The following TIAM1 variants were observed in gnomAD, a reference collection of about 807,000 sequenced individuals.
The protein encoded by TIAM1 is TIAM Rac1 associated GEF 1.
Under a neutral mutation model 163.5 loss-of-function variants are expected in TIAM1, and 65 were observed. The ratio of observed to expected loss-of-function variants is 0.40; its 90% CI spans 0.33 to 0.49. The LOEUF (loss-of-function observed/expected upper bound fraction) is 0.49. Ranked by LOEUF, TIAM1 falls within the 20% of genes least tolerant of loss-of-function variation. The probability of loss-of-function intolerance (pLI) is 0.77; values close to 1 mark genes in which losing one functional copy is unlikely to be tolerated. For missense variants in TIAM1, 1,789 were observed against 2,044.7 expected (o/e 0.87, Z 2.41); for synonymous variants, 833 against 810.1 (o/e 1.03, Z -0.48).
intron 1 of TIAM1, among the ~76,000 whole-genome samples, chr21:31,524,617 G>A (rs1233841351): frequency 1.3e-5 from 2 of 152,162 alleles, no homozygotes; most frequent in African/African-American, 4.8e-5. Context: ...AAAATCTAAT[G>A]GGAAATCAGG....
rs1186265392 is a variant in TIAM1, at chr21:31,147,755, A to AT, written c.3367-753_3367-752insA. On this transcript the variant is annotated intron_variant, in intron 19 of 27. Coordinates refer to ENST00000541036, the MANE Select transcript of TIAM1 (RefSeq NM_001353694.2). ...TAATATATAAAAATATATAATATATAATTAATATATTATATTAATATATTA... is the reference window on the plus strand; with the variant it reads ...TAATATATAAAAATATATAATATATATATTAATATATTATATTAATATATTA... Among the ~76,000 whole-genome samples, 8 of 141,254 alleles carry AT rather than the reference A, an allele frequency of 5.7e-5. No homozygotes were observed. In the East Asian group the frequency reaches 1.2e-3, roughly 21 times the overall value. The allele number at this position is 141,254 out of a possible 152,430, so 92.7% of individuals were successfully genotyped here. A position where few individuals can be genotyped will look rare whatever the true frequency, so the allele number is the denominator to read the frequency against.
chr21:31,296,869 T>A (rs1290417369), intron 2 of TIAM1, among the ~76,000 whole-genome samples: 1 of 152,206 alleles, frequency 6.6e-6, no homozygotes, highest in Non-Finnish European at 1.5e-5. Flanking sequence ...TTCATCGTGT[T>A]AGCCAGGATG....
intron 1 of TIAM1, among the ~76,000 whole-genome samples, chr21:31,546,189 A>T (rs777034268): frequency 3.1e-3 from 47 of 15,344 alleles, no homozygotes; most frequent in East Asian, 8.9e-3. Flanking sequence ...TTGTAATTTA[A>T]AAAAAAAAAA....
intron 2 of TIAM1, among the ~76,000 whole-genome samples, chr21:31,325,922 C>T (rs1369579024): frequency 2.6e-5 from 4 of 152,132 alleles, no homozygotes. Context: ...TACACACTGG[C>T]ATTTAGAAAT....
intron 25 of TIAM1, among the ~76,000 whole-genome samples, 161 bp from the exon 26 acceptor site, chr21:31,127,313 C>T (rs954999815): frequency 6.6e-6 from 1 of 152,058 alleles, no homozygotes; most frequent in Non-Finnish European, 1.5e-5. Flanking sequence ...AGAGATGAAG[C>T]GACTGAAAGC....
At chr21:31,406,293 T>C (rs932062376) in intron 2 of TIAM1, among the ~76,000 whole-genome samples, 2 of 152,034 alleles carry the variant, frequency 1.3e-5, no homozygotes, top group Non-Finnish European at 2.9e-5. Context: ...ACTAGGCCTA[T>C]AGAGCAATGA....
At chr21:31,187,111 T>A in intron 13 of TIAM1, 24 bp from the exon 14 acceptor site, 2 of 1,608,662 alleles carry the variant, frequency 1.2e-6, no homozygotes, top group Non-Finnish European at 1.7e-6. Flanking sequence ...AAAGACAGAA[T>A]GGCAGGGCTC....
chr21:31,197,539 C>CTCTTTTTTTTTTT (rs1555886911), intron 12 of TIAM1, among the ~76,000 whole-genome samples: 1 of 123,260 alleles, frequency 8.1e-6, no homozygotes, highest in African/African-American at 3.3e-5. Context: ...CCGCGCCCGG[C>CTCTTTTTTTTTTT]TTTTTTTTTT....
At chr21:31,210,010 T>A in intron 11 of TIAM1, 35 bp downstream of exon 11, 3 of 1,596,664 alleles carry the variant, frequency 1.9e-6, no homozygotes, top group Non-Finnish European at 2.6e-6. Flanking sequence ...CCCATTCTGC[T>A]CTTCTTGGAG....
At chr21:31,385,585 G>A (rs1330860984) in intron 2 of TIAM1, among the ~76,000 whole-genome samples, 1 of 151,714 alleles carries the variant, frequency 6.6e-6, no homozygotes, top group Non-Finnish European at 1.5e-5. Context: ...CCCTGAAATA[G>A]GAGGGAGGAA....
At chr21:31,488,839 G>A in intron 1 of TIAM1, among the ~76,000 whole-genome samples, 1 of 151,756 alleles carries the variant, frequency 6.6e-6, no homozygotes, top group Admixed American at 6.6e-5. Context: ...GGAAAGAGGA[G>A]AACAAGGGAA....
intron 1 of TIAM1, among the ~76,000 whole-genome samples, chr21:31,509,833 C>G (rs907330228): frequency 6.6e-6 from 1 of 152,192 alleles, no homozygotes; most frequent in African/African-American, 2.4e-5. Context: ...ATTCCACGTG[C>G]CTGGAGAGCC....
intron 1 of TIAM1, among the ~76,000 whole-genome samples, chr21:31,517,005 C>T (rs1284432164): frequency 1.8e-4 from 26 of 145,968 alleles, no homozygotes; most frequent in Non-Finnish European, 3.3e-4. Context: ...GCCAAGATCA[C>T]GCCGGTGCAC....
chr21:31,382,252 T>C (rs1374158160), intron 2 of TIAM1, among the ~76,000 whole-genome samples: 4 of 152,230 alleles, frequency 2.6e-5, no homozygotes, highest in East Asian at 1.9e-4. Context: ...ATCAGCGCAC[T>C]GTATATCCGT....
intron 2 of TIAM1, among the ~76,000 whole-genome samples, chr21:31,399,254 T>G (rs192162778): frequency 6.8e-6 from 1 of 146,826 alleles, no homozygotes; most frequent in East Asian, 1.9e-4. Flanking sequence ...AGGAAATTAT[T>G]TTTTTTTAAT....
Position 31,120,149 on chromosome 21 carries a change from G to T in TIAM1, c.*219C>A. ...TAAAAGCCCTTAGTAATATACAGAA[G>T]ATAGGACTCAAGCTTATTTGGGATT... On this transcript the variant is annotated 3_prime_UTR_variant, in exon 28 of 28. Transcript: ENST00000541036. This position sits in a 1 kb window ranked among gnomAD's most constrained non-coding sequence, Gnocchi z 4.2. 1 of 544,654 alleles carries T rather than the reference G, an allele frequency of 1.8e-6. No homozygotes were observed. Among genetic ancestry groups the T allele is most frequent in the East Asian group, 2.9e-5 (1 of 33,970 alleles). The allele number at this position is 544,654 out of a possible 1,614,324, so 33.7% of individuals were successfully genotyped here. A position where few individuals can be genotyped will look rare whatever the true frequency, so the allele number is the denominator to read the frequency against.
chr21:31,160,474 C>T (rs2083860666), intron 16 of TIAM1: 6 of 398,532 alleles, frequency 1.5e-5, no homozygotes, highest in Non-Finnish European at 1.3e-5. Flanking sequence ...ATAGAGTCAC[C>T]GGACTTGTCA....
chr21:31,514,169 A>C (rs757641344), intron 1 of TIAM1, among the ~76,000 whole-genome samples: 11 of 152,180 alleles, frequency 7.2e-5, no homozygotes, highest in Non-Finnish European at 1.6e-4. Flanking sequence ...AGGTGAAATT[A>C]AGAACAGACT....
intron 2 of TIAM1, among the ~76,000 whole-genome samples, chr21:31,320,662 T>G (rs143587275): frequency 8.2e-4 from 125 of 152,236 alleles, no homozygotes; most frequent in African/African-American, 2.8e-3. Flanking sequence ...GGTGACTCCC[T>G]CTACCTCTCA....
Sources: gnomAD v4.1 joint callset for allele counts (sites outside exome capture counted in the v4.1 genomes callset) on GRCh38, gnomAD v4.1.1 for gene constraint, Gnocchi (gnomAD v3.1) non-coding constraint, MANE v1.5 for transcripts, NCBI Gene and HGNC (gene_info 2026-07-23, HGNC 2026-07-21) for gene names.